Variants in PRKG1 observed in about 807,000 individuals in gnomAD.
The protein encoded by PRKG1 is protein kinase cGMP-dependent 1.
In PRKG1, 35 loss-of-function variants were observed where a neutral mutation model predicts 88.1. That is an observed-to-expected ratio of 0.40 (90% CI 0.30 to 0.53). The LOEUF is 0.53. Ranked by LOEUF, PRKG1 falls within the 20% of genes least tolerant of loss-of-function variation. PRKG1 has a pLI of 0.59. For synonymous variants in PRKG1, 303 were observed against 292.5 expected (o/e 1.04, Z -0.37); for missense variants, 540 against 839.8 (o/e 0.64, Z 4.41).
Position 51,847,166 on chromosome 10 carries a change from T to C in PRKG1, c.698+42476T>C, listed in dbSNP as rs1840419539. 2.0e-5 allele frequency among the ~76,000 whole-genome samples: 3 copies of C among 152,308 alleles called. No individual in the cohort carries two copies. In the South Asian group the frequency reaches 6.2e-4, roughly 32 times the overall value. ...GGCAGGTGCTGATGATCTATGATGCTACTCCTAACTCTAACATTTTGTGTT... is the reference window on the plus strand; with the variant it reads ...GGCAGGTGCTGATGATCTATGATGCCACTCCTAACTCTAACATTTTGTGTT... On this transcript the variant is annotated intron_variant, in intron 4 of 17. Coordinates refer to ENST00000373980, the MANE Select transcript of PRKG1 (RefSeq NM_006258.4).
intron 1 of PRKG1, among the ~76,000 whole-genome samples, chr10:51,004,248 G>A (rs941183001): frequency 6.6e-5 from 10 of 152,162 alleles, no homozygotes; most frequent in Non-Finnish European, 1.5e-4. Flanking sequence ...CAGATCACCT[G>A]AGGCTGGGAG....
At chr10:52,035,658 C>T (rs1175062186) in intron 5 of PRKG1, among the ~76,000 whole-genome samples, 3 of 151,950 alleles carry the variant, frequency 2.0e-5, no homozygotes, top group East Asian at 1.9e-4. Context: ...GAAGTCTGGG[C>T]CAGGAACAAC....
rs1282800283 is a variant in PRKG1 at position 51,125,832 on chromosome 10, T to C, written c.312-27332T>C. Among the ~76,000 whole-genome samples the C allele has an allele frequency of 2.0e-4, 29 of 142,104 alleles. No individual in the cohort carries two copies. The Admixed American group carries it at 2.1e-3, about 10-fold the overall frequency. The allele number at this position is 142,104 out of a possible 152,430, so 93.2% of individuals were successfully genotyped here. A position where few individuals can be genotyped will look rare whatever the true frequency, so the allele number is the denominator to read the frequency against. On this transcript the variant is annotated intron_variant, in intron 1 of 17. Coordinates refer to ENST00000373980, the MANE Select transcript of PRKG1 (RefSeq NM_006258.4). Reference sequence around the variant, plus strand: ...TTATTTAAAAATTATAAATATGTAATTTATATAATTTAATTATATAATTAT... The same window carrying C: ...TTATTTAAAAATTATAAATATGTAACTTATATAATTTAATTATATAATTAT...
At chr10:51,923,979 C>A (rs1272856992) in intron 5 of PRKG1, among the ~76,000 whole-genome samples, 1 of 151,914 alleles carries the variant, frequency 6.6e-6, no homozygotes, top group African/African-American at 2.4e-5. Context: ...AGGTGTGCAC[C>A]ATCACACCCA....
At chr10:52,166,805 ATATG>A (rs1269162789) in intron 9 of PRKG1, among the ~76,000 whole-genome samples, 3,441 of 7,522 alleles carry the variant, frequency 0.46, 223 homozygotes, top group Middle Eastern at 1. Flanking sequence ...ATACATATAT[ATATG>A]TATATATATG....
At chr10:52,178,710 AT>A (rs1221786437) in intron 9 of PRKG1, among the ~76,000 whole-genome samples, 1 of 151,898 alleles carries the variant, frequency 6.6e-6, no homozygotes, top group Non-Finnish European at 1.5e-5. Flanking sequence ...CAGTTATATT[AT>A]TTTCCTGAAT....
intron 5 of PRKG1, among the ~76,000 whole-genome samples, chr10:51,967,424 G>C (rs946444077): frequency 6.6e-6 from 1 of 152,072 alleles, no homozygotes; most frequent in Non-Finnish European, 1.5e-5. Flanking sequence ...GGTGGGGGAT[G>C]GGGGAGGGAT....
At chr10:51,504,967 T>G (rs1841151288) in intron 3 of PRKG1, among the ~76,000 whole-genome samples, 1 of 152,168 alleles carries the variant, frequency 6.6e-6, no homozygotes, top group Non-Finnish European at 1.5e-5. Flanking sequence ...CTTTATTTCC[T>G]TCTCCTGCCT....
At chr10:51,582,593 TGGC>T (rs1838067702) in intron 3 of PRKG1, among the ~76,000 whole-genome samples, 2 of 152,132 alleles carry the variant, frequency 1.3e-5, no homozygotes, top group Non-Finnish European at 2.9e-5. Context: ...CTGAGGACAG[TGGC>T]TTCCAGCTTC....
At chr10:52,246,709 T>G (rs1024189566) in intron 9 of PRKG1, among the ~76,000 whole-genome samples, 1 of 151,792 alleles carries the variant, frequency 6.6e-6, no homozygotes, top group Non-Finnish European at 1.5e-5. Flanking sequence ...AAACCCCATC[T>G]CTACTAAAAA....
chr10:52,140,811 C>CA (rs5784906), intron 8 of PRKG1, among the ~76,000 whole-genome samples: 60,692 of 151,590 alleles, frequency 0.4, 14,794 homozygotes, highest in Non-Finnish European at 0.53. Flanking sequence ...AACATGCACC[C>CA]AATGGTGATT....
chr10:51,228,248 AACTTT>A (rs1260676059), intron 2 of PRKG1, among the ~76,000 whole-genome samples: 1 of 152,136 alleles, frequency 6.6e-6, no homozygotes, highest in Non-Finnish European at 1.5e-5. Context: ...GCCCTTTGGA[AACTTT>A]ACTTTGTAGG....
intron 2 of PRKG1, among the ~76,000 whole-genome samples, chr10:51,216,957 A>G (rs992276206): frequency 3.9e-5 from 6 of 152,160 alleles, no homozygotes; most frequent in African/African-American, 1.4e-4. Flanking sequence ...GTCATTTTCC[A>G]TCTTATAAGA....
chr10:51,958,999 C>T (rs1410621269), intron 5 of PRKG1, among the ~76,000 whole-genome samples: 2 of 152,148 alleles, frequency 1.3e-5, no homozygotes, highest in Non-Finnish European at 2.9e-5. Context: ...ACTTTGTCCT[C>T]ACAGCAGTCT....
At chr10:51,721,416 T>C (rs1187310804) in intron 3 of PRKG1, among the ~76,000 whole-genome samples, 3 of 152,192 alleles carry the variant, frequency 2.0e-5, no homozygotes, top group Non-Finnish European at 4.4e-5. Flanking sequence ...AACCCAGAAG[T>C]AGATTTTGGA....
intron 2 of PRKG1, among the ~76,000 whole-genome samples, chr10:51,346,168 GT>G (rs1476477436): frequency 6.6e-6 from 1 of 152,160 alleles, no homozygotes; most frequent in Non-Finnish European, 1.5e-5. Flanking sequence ...TTCCAAAAAA[GT>G]CGTTGATGAT....
intron 2 of PRKG1, among the ~76,000 whole-genome samples, chr10:51,246,583 C>T (rs1175918267): frequency 6.7e-6 from 1 of 148,792 alleles, no homozygotes; most frequent in African/African-American, 2.5e-5. Flanking sequence ...TGTTTCTAAC[C>T]CCTGGCATTA....
At chr10:51,459,621 TCC>T (rs1209686240) in intron 2 of PRKG1, among the ~76,000 whole-genome samples, 6 of 152,170 alleles carry the variant, frequency 3.9e-5, no homozygotes, top group Admixed American at 3.9e-4. Flanking sequence ...GATACTATTA[TCC>T]CAAATATGTA....
At chr10:51,280,341 ATG>A (rs1840258138) in intron 2 of PRKG1, among the ~76,000 whole-genome samples, 2 of 151,912 alleles carry the variant, frequency 1.3e-5, no homozygotes, top group African/African-American at 4.8e-5. Flanking sequence ...TCTGACAATT[ATG>A]TGTCTTGGAG....
Sources: allele counts gnomAD v4.1 joint callset (sites outside exome capture counted in the v4.1 genomes callset), GRCh38; gene constraint gnomAD v4.1.1; transcripts MANE v1.5; gene names NCBI Gene and HGNC (gene_info 2026-07-23, HGNC 2026-07-21).